CKMT1A: variants seen among roughly 807,000 people sequenced by gnomAD.
The protein encoded by CKMT1A is creatine kinase U-type, mitochondrial.
Under a neutral mutation model 21.8 loss-of-function variants are expected in CKMT1A, and 23 were observed. That is an observed-to-expected ratio of 1.05 (90% CI 0.76 to 1.49). The LOEUF (loss-of-function observed/expected upper bound fraction) is 1.49, where lower values mean the gene tolerates loss of function less well. CKMT1A is among the 40% of genes most tolerant of loss of function. The pLI is 0.00. For missense variants in CKMT1A, 154 were observed against 229.4 expected, an observed-to-expected ratio of 0.67 and a Z score of 2.12; for synonymous variants, 67 against 80.4, an observed-to-expected ratio of 0.83 and a Z score of 0.89.
chr15:43,699,139 C>G lies in CKMT1A; in HGVS notation c.*50C>G. 6.2e-7 allele frequency: 1 copy of G among 1,613,126 alleles called. No individual in the cohort carries two copies. Among genetic ancestry groups the G allele is most frequent in the Non-Finnish European group, 8.5e-7 (1 of 1,179,680 alleles). Reference sequence around the variant, plus strand: ...AAGATTCCAAGGAGTTCTGCTCATTCTAATGATGGCCCATTCTACTTGCTC... The same window carrying G: ...AAGATTCCAAGGAGTTCTGCTCATTGTAATGATGGCCCATTCTACTTGCTC... On this transcript the variant is annotated 3_prime_UTR_variant, in exon 9 of 9. Coordinates refer to ENST00000413453, the MANE Select transcript of CKMT1A (RefSeq NM_001321926.2).
intron 6 of CKMT1A, chr15:43,696,860 G>C (rs2141611969): frequency 3.4e-6 from 1 of 294,716 alleles, no homozygotes; most frequent in South Asian, 3.5e-5. Flanking sequence ...TGGGGAAGGT[G>C]GAGGATAGAA....
chr15:43,697,105 CT>C, intron 6 of CKMT1A: 1 of 579,526 alleles, frequency 1.7e-6, no homozygotes, highest in Non-Finnish European at 2.6e-6. Context: ...ATAACATATT[CT>C]GACTATGAGT....
rs1249836108 is a variant in CKMT1A at position 43,696,378 on chromosome 15, T to A, written c.876+15T>A. ...GCCTCAAAGAGGTTAGAGAAGATTG[T>A]GTAGGGGAGCTAGGTGGGAGGACAT... On this transcript the variant is annotated intron_variant, in intron 6 of 8. Coordinates refer to ENST00000413453, the MANE Select transcript of CKMT1A (RefSeq NM_001321926.2). 6.2e-7 allele frequency: 1 copy of A among 1,610,988 alleles called. No individual in the cohort carries two copies. The highest frequency in any genetic ancestry group is 8.5e-7 in the Non-Finnish European group (1 of 1,179,126).
In CKMT1A at chr15:43,696,526, C is replaced by G. The variant is rs1466077522; in HGVS notation, c.876+163C>G. 9.8e-6 allele frequency: 11 copies of G among 1,119,400 alleles called. 1 individual carries two copies. Among genetic ancestry groups the G allele is most frequent in the Middle Eastern group, 4.2e-4 (2 of 4,750 alleles). 69.3% of individuals were successfully genotyped at this position (1,119,400 alleles called of 1,614,324 possible). A position where few individuals can be genotyped will look rare whatever the true frequency, so the allele number is the denominator to read the frequency against. On this transcript the variant is annotated intron_variant, in intron 6 of 8. Coordinates refer to ENST00000413453, the MANE Select transcript of CKMT1A (RefSeq NM_001321926.2). ...GACTAAAGGTATAAACCAGCTGGGA[C>G]CATACTGGGAAAACCAGGACATGTG...
intron 8 of CKMT1A, 73 bp from the exon 9 acceptor site, chr15:43,698,900 G>T: frequency 1.9e-6 from 3 of 1,603,338 alleles, no homozygotes; most frequent in Non-Finnish European, 2.6e-6. Context: ...TTGGAAATGA[G>T]CAGGCAAGTC....
At chr15:43,698,514 A>C in intron 7 of CKMT1A, 127 bp from the exon 8 acceptor site, 1 of 1,381,400 alleles carries the variant, frequency 7.2e-7, no homozygotes, top group Non-Finnish European at 9.7e-7. Context: ...TGTCTAAAAA[A>C]AAAAAAAAAG....
intron 6 of CKMT1A, chr15:43,697,553 G>A (rs146708569): frequency 5.1e-6 from 5 of 984,670 alleles, no homozygotes; most frequent in East Asian, 1.1e-4. Flanking sequence ...TCACACAGGT[G>A]CTCCGTTCAC....
Position 43,696,071 on chromosome 15 carries a change from G to A in CKMT1A, c.699G>A (p.Pro233=), listed in dbSNP as rs767085681. The A allele has an allele frequency of 1.2e-4, 68 of 575,438 alleles. No individual in the cohort carries two copies. The highest frequency in any genetic ancestry group is 7.9e-4 in the African/African-American group (23 of 28,998). The allele number at this position is 575,438 out of a possible 1,614,324, so 35.6% of individuals were successfully genotyped here. A position where few individuals can be genotyped will look rare whatever the true frequency, so the allele number is the denominator to read the frequency against. Residue 233 remains proline, a synonymous_variant, in exon 5 of 9, where the codon CCG becomes CCA. Transcript: ENST00000413453. ...TTCTGTTTGATAAGCCTGTGTCCCC[G>A]TTGCTGACTGCAGCAGGAATGGCTC... ...DHFLFDKPVS[P]LLTAAGMARD...
chr15:43,697,813 A>G, intron 6 of CKMT1A: 5 of 983,486 alleles, frequency 5.1e-6, no homozygotes, highest in Non-Finnish European at 6.0e-6. Flanking sequence ...TCTCATTATT[A>G]TGCACATCAT....
chr15:43,696,834 G>T, intron 6 of CKMT1A: 1 of 277,762 alleles, frequency 3.6e-6, no homozygotes. Flanking sequence ...TTTAAGTTGA[G>T]AGTTCAGAGG....
intron 6 of CKMT1A, chr15:43,696,874 T>C (rs1241540428): frequency 9.9e-6 from 3 of 303,640 alleles, no homozygotes; most frequent in Non-Finnish European, 1.9e-5. Context: ...GATAGAATGG[T>C]TCGAGTTCTA....
intron 7 of CKMT1A, among the ~76,000 whole-genome samples, 188 bp from the exon 8 acceptor site, chr15:43,698,453 G>T (rs1333523221): frequency 6.7e-6 from 1 of 150,032 alleles, no homozygotes; most frequent in South Asian, 2.1e-4. Flanking sequence ...CTGGGAAGTC[G>T]AGGCTTCAGT....
At position 43,696,349 on chromosome 15, in the gene CKMT1A, C is replaced by T. The variant is rs147613562; in HGVS notation, c.862C>T (p.Arg288Ter). 3.3e-5 allele frequency: 53 copies of T among 1,610,210 alleles called. 3 individuals carry two copies. In the African/African-American group the frequency reaches 6.4e-4, roughly 20 times the overall value. Residue 288 changes from arginine (R) to a stop codon, truncating the protein, a stop_gained, in exon 6 of 9, where the codon CGA (arginine) becomes TGA (stop). Transcript: ENST00000413453. LOFTEE classifies it high-confidence loss of function. ...GAAGAGAGTGTTTGAAAGATTCTGC[C>T]GAGGCCTCAAAGAGGTTAGAGAAGA... ...NMKRVFERFC[R>*]GLKEVERLIQ... is the part of the protein sequence containing the mutation.
At chr15:43,698,499 G>C (rs555033448) in intron 7 of CKMT1A, 142 bp from the exon 8 acceptor site, 7 of 1,116,526 alleles carry the variant, frequency 6.3e-6, no homozygotes, top group Non-Finnish European at 8.6e-6. Flanking sequence ...GACAGAGAGA[G>C]ACCCTGTCTA....
In CKMT1A at chr15:43,696,380, T is replaced by C. The variant is rs370564047; in HGVS notation, c.876+17T>C. ...CTCAAAGAGGTTAGAGAAGATTGTG[T>C]AGGGGAGCTAGGTGGGAGGACATAA... is the stretch of plus-strand genomic sequence containing the variant. On this transcript the variant is annotated intron_variant, in intron 6 of 8. Coordinates refer to ENST00000413453, the MANE Select transcript of CKMT1A (RefSeq NM_001321926.2). The C allele has an allele frequency of 1.9e-6, 3 of 1,610,922 alleles. No individual in the cohort carries two copies. The highest frequency in any genetic ancestry group is 2.2e-5 in the East Asian group (1 of 44,850).
At position 43,698,127 on chromosome 15, in the gene CKMT1A, C is replaced by A; in HGVS notation, c.990C>A (p.Ile330=). 2 of 1,611,964 alleles carry A rather than the reference C, an allele frequency of 1.2e-6. No individual in the cohort carries two copies. Reference sequence around the variant, plus strand: ...CTGGACTTCGGGCAGGAGTGCACATCAAACTGCCCCTGCTAAGCAAAGTAA... The same window carrying A: ...CTGGACTTCGGGCAGGAGTGCACATAAAACTGCCCCTGCTAAGCAAAGTAA... The part of the protein sequence containing the change: ...LGTGLRAGVH[I]KLPLLSKDSR... The change falls in exon 7 of 9, where the codon ATC becomes ATA. Residue 330 remains isoleucine, a synonymous_variant. Transcript: ENST00000413453.
intron 6 of CKMT1A, 23 bp from the exon 7 acceptor site, chr15:43,697,991 T>C: frequency 6.2e-7 from 1 of 1,613,658 alleles, no homozygotes; most frequent in Non-Finnish European, 8.5e-7. Context: ...GATTTTTCAT[T>C]AATAAAAACT....
intron 6 of CKMT1A, chr15:43,696,999 A>G: frequency 3.4e-6 from 1 of 291,234 alleles, no homozygotes; most frequent in Non-Finnish European, 6.8e-6. Context: ...TTCTTACTGT[A>G]TGTTCTCAAA....
At chr15:43,697,933 TC>T (rs1351684960) in intron 6 of CKMT1A, 80 bp from the exon 7 acceptor site, 2 of 1,577,236 alleles carry the variant, frequency 1.3e-6, no homozygotes, top group African/African-American at 2.7e-5. Context: ...TTTCTAGTGT[TC>T]TTGTGGGTCT....
Sources: allele counts gnomAD v4.1 joint callset (sites outside exome capture counted in the v4.1 genomes callset), GRCh38; gene constraint gnomAD v4.1.1; transcripts MANE v1.5; gene names NCBI Gene and HGNC (gene_info 2026-07-23, HGNC 2026-07-21).